The following DNER variants were observed in gnomAD, a reference collection of about 807,000 sequenced individuals.
DNER encodes the protein delta/notch like EGF repeat containing.
In DNER, 33 loss-of-function variants were observed where a neutral mutation model predicts 78.2. That is an observed-to-expected ratio of 0.42 (90% CI 0.32 to 0.56). DNER has a LOEUF of 0.56. DNER is among the 20% of genes least tolerant of loss of function. The pLI is 0.11. For synonymous variants in DNER, 417 were observed against 384.8 expected, an observed-to-expected ratio of 1.08 and a Z score of -0.98; for missense variants, 918 against 975.3, an observed-to-expected ratio of 0.94 and a Z score of 0.78.
intron 1 of DNER, among the ~76,000 whole-genome samples, chr2:229,678,894 C>T (rs186429995): frequency 5.3e-5 from 8 of 152,296 alleles, no homozygotes; most frequent in Admixed American, 3.9e-4. Context: ...AATACATCTA[C>T]GATCTTCCAA....
intron 12 of DNER, 84 bp from the exon 13 acceptor site, chr2:229,358,735 G>A (rs57056068): frequency 0.083 from 93,316 of 1,121,640 alleles, 7,615 homozygotes; most frequent in African/African-American, 0.39. Context: ...TAATTTATAT[G>A]CATGAATTAA....
intron 10 of DNER, among the ~76,000 whole-genome samples, chr2:229,400,836 A>G (rs994614188): frequency 2.0e-5 from 3 of 152,026 alleles, no homozygotes; most frequent in South Asian, 2.1e-4. Flanking sequence ...CTTTCTTTGG[A>G]AGGAAGTCAC....
intron 5 of DNER, among the ~76,000 whole-genome samples, chr2:229,541,239 T>A (rs115133591): frequency 0.019 from 2,955 of 152,224 alleles, 89 homozygotes; most frequent in African/African-American, 0.068. Flanking sequence ...GCAAAGGACC[T>A]GGAATATGAC....
At chr2:229,576,613 T>C (rs1039877726) in intron 4 of DNER, among the ~76,000 whole-genome samples, 7 of 152,078 alleles carry the variant, frequency 4.6e-5, no homozygotes, top group African/African-American at 1.7e-4. Flanking sequence ...ACAGTTTAAT[T>C]AAACATATAA....
chr2:229,532,840 C>A (rs937111604), intron 5 of DNER, among the ~76,000 whole-genome samples: 8 of 152,306 alleles, frequency 5.3e-5, no homozygotes, highest in African/African-American at 1.9e-4. Flanking sequence ...TCACTTCTAA[C>A]CTGGCCCCCT....
At chr2:229,564,444 T>C (rs1370734788) in intron 4 of DNER, among the ~76,000 whole-genome samples, 2,317 of 49,156 alleles carry the variant, frequency 0.047, no homozygotes, top group Middle Eastern at 0.08. Context: ...ATCATCCTCA[T>C]CCCATCACCA....
At chr2:229,588,824 C>G (rs147327222) in intron 2 of DNER, among the ~76,000 whole-genome samples, 3 of 152,286 alleles carry the variant, frequency 2.0e-5, no homozygotes, top group African/African-American at 4.8e-5. Flanking sequence ...CTGCACTATG[C>G]TTAACCTGAT....
At chr2:229,523,872 G>A (rs942313958) in intron 5 of DNER, among the ~76,000 whole-genome samples, 4 of 152,204 alleles carry the variant, frequency 2.6e-5, no homozygotes, top group Non-Finnish European at 5.9e-5. Flanking sequence ...TAGCTCATGA[G>A]CTCCAAGAAC....
chr2:229,639,893 T>C (rs1377029418), intron 1 of DNER, among the ~76,000 whole-genome samples: 6 of 152,146 alleles, frequency 3.9e-5, no homozygotes, highest in African/African-American at 1.4e-4. Context: ...TTTTCACTGA[T>C]AAAATAACCC....
intron 2 of DNER, among the ~76,000 whole-genome samples, chr2:229,589,281 AC>A (rs1407787129): frequency 6.6e-6 from 1 of 152,348 alleles, no homozygotes; most frequent in African/African-American, 2.4e-5. Flanking sequence ...TGAGAACAAT[AC>A]AGAAACTCTC....
At chr2:229,364,279 A>G (rs79275603) in intron 12 of DNER, among the ~76,000 whole-genome samples, 8,942 of 152,102 alleles carry the variant, frequency 0.059, 313 homozygotes, top group Middle Eastern at 0.088. Flanking sequence ...CTACCTCTCA[A>G]GCCGGTCAAG....
intron 6 of DNER, among the ~76,000 whole-genome samples, chr2:229,491,145 C>T (rs1285734742): frequency 2.6e-5 from 4 of 152,180 alleles, no homozygotes; most frequent in Admixed American, 1.3e-4. Flanking sequence ...ATCATAGGTT[C>T]TCTCGGGCAC....
chr2:229,440,136 C>T (rs760687560), intron 8 of DNER, among the ~76,000 whole-genome samples: 4 of 152,188 alleles, frequency 2.6e-5, no homozygotes, highest in African/African-American at 7.2e-5. Flanking sequence ...TTTCATGCTC[C>T]ACCAGCAAGT....
intron 4 of DNER, among the ~76,000 whole-genome samples, chr2:229,567,103 C>G (rs981405161): frequency 3.3e-5 from 5 of 152,216 alleles, no homozygotes; most frequent in African/African-American, 1.2e-4. Context: ...ACAAGCAGTT[C>G]CAACCTTCTG....
rs567695100 is a variant in DNER at position 229,451,272 on chromosome 2, C to T, written c.1262-3732G>A. On this transcript the variant is annotated intron_variant, in intron 7 of 12. Transcript: ENST00000341772. ...AGGAGTCCAAGACCAGCCTGGCCAA[C>T]GTGGTGAAATCCCGTCTCTACTAAA... 1.5e-4 allele frequency among the ~76,000 whole-genome samples: 23 copies of T among 152,272 alleles called. No individual in the cohort carries two copies. The South Asian group carries it at 4.4e-3, about 29-fold the overall frequency.
chr2:229,501,432 T>C (rs1377439506), intron 6 of DNER, among the ~76,000 whole-genome samples: 5 of 148,794 alleles, frequency 3.4e-5, no homozygotes, highest in Non-Finnish European at 7.4e-5. Context: ...TACCCATAAC[T>C]AAAAAAAAAA....
At chr2:229,504,368 C>T (rs1695692146) in intron 6 of DNER, among the ~76,000 whole-genome samples, 1 of 152,106 alleles carries the variant, frequency 6.6e-6, no homozygotes, top group Admixed American at 6.5e-5. Flanking sequence ...TACAGGCACC[C>T]ACCACCATGC....
chr2:229,623,363 T>C (rs1015312865), intron 1 of DNER, among the ~76,000 whole-genome samples: 2 of 152,142 alleles, frequency 1.3e-5, no homozygotes, highest in Admixed American at 6.5e-5. Context: ...CCATGCTGCC[T>C]GGCCATTTCC....
At chr2:229,599,074 G>A (rs143392036) in intron 1 of DNER, among the ~76,000 whole-genome samples, 7 of 152,194 alleles carry the variant, frequency 4.6e-5, no homozygotes, top group Non-Finnish European at 8.8e-5. Flanking sequence ...AGCCCCAGAG[G>A]AGAACTTACA....
Sources: allele counts gnomAD v4.1 joint callset (sites outside exome capture counted in the v4.1 genomes callset), GRCh38; gene constraint gnomAD v4.1.1; transcripts MANE v1.5; gene names NCBI Gene and HGNC (gene_info 2026-07-23, HGNC 2026-07-21).